AQR: variants seen among roughly 807,000 people sequenced by gnomAD.
The protein encoded by AQR is RNA helicase aquarius.
In AQR, 61 loss-of-function variants were observed where a neutral mutation model predicts 180.5. The observed-to-expected ratio is 0.34, with a 90% CI of 0.28 to 0.42. The LOEUF is 0.42. AQR is among the 10% of genes least tolerant of loss of function. The pLI is 1.00. For synonymous variants in AQR, 551 were observed against 588.8 expected, an observed-to-expected ratio of 0.94 and a Z score of 0.93; for missense variants, 1,281 against 1,798.3, an observed-to-expected ratio of 0.71 and a Z score of 5.20.
intron 14 of AQR, among the ~76,000 whole-genome samples, chr15:34,918,788 G>C (rs1416154850): frequency 6.6e-6 from 1 of 152,218 alleles, no homozygotes; most frequent in Non-Finnish European, 1.5e-5. Context: ...GAAAAAATAG[G>C]AGCTCTAGGT....
chr15:34,946,433 G>GGC (rs1269651806), intron 5 of AQR, among the ~76,000 whole-genome samples: 2 of 142,702 alleles, frequency 1.4e-5, no homozygotes, highest in Non-Finnish European at 3.1e-5. Context: ...AGGGAGGTGG[G>GGC]GGGGGTCAGC....
rs1266443945 is a variant in AQR, at chr15:34,874,364, T to C, written c.3425+313A>G. ...TTGGTGTGTTCTCCTCTTGTTCACT[T>C]TATTTTTAGATTTTAAAATTATATT... is the stretch of plus-strand genomic sequence containing the variant. On this transcript the variant is annotated intron_variant, in intron 29 of 34. Coordinates refer to ENST00000156471, the MANE Select transcript of AQR (RefSeq NM_014691.3). 6 of 340,960 alleles carry C rather than the reference T, an allele frequency of 1.8e-5. No homozygotes were observed. The East Asian group carries it at 3.6e-4, about 21-fold the overall frequency. The allele number at this position is 340,960 out of a possible 1,614,324, so 21.1% of individuals were successfully genotyped here. A position where few individuals can be genotyped will look rare whatever the true frequency, so the allele number is the denominator to read the frequency against.
In AQR at chr15:34,851,941, A is replaced by G. The variant is rs1370054168; in HGVS notation, c.*4851T>C. 2 of 152,168 alleles carry G rather than the reference A, an allele frequency of 1.3e-5. No individual in the cohort carries two copies. Among genetic ancestry groups the G allele is most frequent in the Non-Finnish European group, 2.9e-5 (2 of 68,028 alleles). 9.4% of individuals were successfully genotyped at this position (152,168 alleles called of 1,614,324 possible). A position where few individuals can be genotyped will look rare whatever the true frequency, so the allele number is the denominator to read the frequency against. On this transcript the variant is annotated 3_prime_UTR_variant, in exon 35 of 35. Coordinates refer to ENST00000156471, the MANE Select transcript of AQR (RefSeq NM_014691.3). The stretch of plus-strand genomic sequence containing the variant: ...GTCATGGTACATTGACCAAACTTTT[A>G]TTCATTTGCATTTTCAGGATGTTGC...
intron 9 of AQR, among the ~76,000 whole-genome samples, chr15:34,937,260 C>T (rs1168033579): frequency 1.1e-5 from 1 of 92,556 alleles, no homozygotes; most frequent in African/African-American, 2.6e-5. Flanking sequence ...CTCCTGACCT[C>T]GTGATCCACC....
At chr15:34,905,688 G>T (rs1465941021) in intron 18 of AQR, among the ~76,000 whole-genome samples, 1 of 151,746 alleles carries the variant, frequency 6.6e-6, no homozygotes, top group South Asian at 2.1e-4. Context: ...TCAAATTTAA[G>T]AAGAAAAAAT....
chr15:34,892,530 G>T (rs1171192606), intron 23 of AQR, among the ~76,000 whole-genome samples: 3 of 152,162 alleles, frequency 2.0e-5, no homozygotes, highest in African/African-American at 7.2e-5. Flanking sequence ...AGAAATAAAA[G>T]ATTGCTTTTA....
rs751703686 is a variant in AQR at position 34,918,351 on chromosome 15, G to A, written c.1249C>T (p.Gln417Ter). The A allele has an allele frequency of 6.2e-7, 1 of 1,613,718 alleles. No homozygotes were observed. The highest frequency in any genetic ancestry group is 8.5e-7 in the Non-Finnish European group (1 of 1,179,824). The change falls in exon 15 of 35, where the codon CAG becomes TAG. Residue 417 changes from glutamine (Q) to a stop codon, truncating the protein, a stop_gained. Coordinates refer to ENST00000156471, the MANE Select transcript of AQR (RefSeq NM_014691.3). LOFTEE classifies it high-confidence loss of function. ...LVSRHERRIS[Q>*]IQQLNQMPLY... ...GGCATCTGGTTCAACTGCTGAATCT[G>A]AGAAATTCGACGTTCATGACGAGAT...
At chr15:34,887,110 G>T (rs1320001779) in intron 24 of AQR, among the ~76,000 whole-genome samples, 1 of 150,896 alleles carries the variant, frequency 6.6e-6, no homozygotes, top group Non-Finnish European at 1.5e-5. Context: ...GGGCGACAAA[G>T]CAAGACTCCG....
chr15:34,964,466 C>A, intron 1 of AQR, 176 bp from the exon 2 acceptor site: 3 of 693,768 alleles, frequency 4.3e-6, no homozygotes, highest in Non-Finnish European at 5.4e-6. Context: ...TGACCCCAAA[C>A]CACTAAATGC....
chr15:34,857,760 AAAAAG>A (rs1892609346), intron 34 of AQR, among the ~76,000 whole-genome samples: 1 of 151,690 alleles, frequency 6.6e-6, no homozygotes, highest in African/African-American at 2.4e-5. Flanking sequence ...CAAGAAAAAG[AAAAAG>A]AAAAGAAAAA....
intron 17 of AQR, among the ~76,000 whole-genome samples, chr15:34,907,314 C>T (rs1893433087): frequency 6.6e-6 from 1 of 152,192 alleles, no homozygotes; most frequent in Non-Finnish European, 1.5e-5. Flanking sequence ...GTGCCAGAGT[C>T]CACAGCTTCT....
chr15:34,872,582 G>T (rs2140462269), intron 30 of AQR, among the ~76,000 whole-genome samples: 1 of 152,128 alleles, frequency 6.6e-6, no homozygotes, highest in South Asian at 2.1e-4. Context: ...TTTCTAAGGT[G>T]GCTATTAGGA....
intron 32 of AQR, among the ~76,000 whole-genome samples, chr15:34,865,860 C>T (rs1377594022): frequency 2.0e-5 from 3 of 152,018 alleles, no homozygotes; most frequent in Non-Finnish European, 4.4e-5. Context: ...GGCAAATCTA[C>T]AGAGATAAAA....
chr15:34,867,502 A>G, intron 32 of AQR, 22 bp downstream of exon 32: 1 of 1,587,130 alleles, frequency 6.3e-7, no homozygotes, highest in Non-Finnish European at 8.6e-7. Context: ...AATAAATATT[A>G]TGAAAGTTTT....
chr15:34,966,220 A>T (rs1210343380), intron 1 of AQR, among the ~76,000 whole-genome samples: 1 of 152,232 alleles, frequency 6.6e-6, no homozygotes, highest in Non-Finnish European at 1.5e-5. Flanking sequence ...CAGATCTCCA[A>T]TCTCCTTAAA....
intron 30 of AQR, 41 bp from the exon 31 acceptor site, chr15:34,870,963 T>C: frequency 6.4e-7 from 1 of 1,573,780 alleles, no homozygotes. Flanking sequence ...TCATTTGCTT[T>C]TGTTTCAATT....
chr15:34,963,825 G>A (rs1187192076), intron 2 of AQR, among the ~76,000 whole-genome samples: 2 of 148,438 alleles, frequency 1.3e-5, no homozygotes, highest in South Asian at 2.2e-4. Flanking sequence ...CACCATGCCC[G>A]GCTAATTTTT....
chr15:34,853,993 C>G lies in AQR; in HGVS notation c.*2799G>C, dbSNP rs1892551103. On this transcript the variant is annotated 3_prime_UTR_variant, in exon 35 of 35. Coordinates refer to ENST00000156471, the MANE Select transcript of AQR (RefSeq NM_014691.3). ...ATTTGTTTACAGGAGCACAAATGGCCTATTTATGCCTTTTCTCTCAGCATC... is the reference window on the plus strand; with the variant it reads ...ATTTGTTTACAGGAGCACAAATGGCGTATTTATGCCTTTTCTCTCAGCATC... The G allele has an allele frequency of 6.6e-6, 1 of 152,042 alleles. No individual in the cohort carries two copies. The highest frequency in any genetic ancestry group is 2.4e-5 in the African/African-American group (1 of 41,376). The allele number at this position is 152,042 out of a possible 1,614,324, so 9.4% of individuals were successfully genotyped here.
chr15:34,961,667 A>G lies in AQR; in HGVS notation c.133-853T>C, dbSNP rs1204318049. Reference sequence around the variant, plus strand: ...GACTCTGGAACTGTACATCTCAAAAAAAAAAAAAAAAGAAAAAAAGAACTC... The same window carrying G: ...GACTCTGGAACTGTACATCTCAAAAGAAAAAAAAAAAGAAAAAAAGAACTC... On this transcript the variant is annotated intron_variant, in intron 2 of 34. Coordinates refer to ENST00000156471, the MANE Select transcript of AQR (RefSeq NM_014691.3). Among the ~76,000 whole-genome samples the G allele has an allele frequency of 1.2e-4, 17 of 147,028 alleles. 1 individual carries two copies.
Sources: allele counts gnomAD v4.1 joint callset (sites outside exome capture counted in the v4.1 genomes callset), GRCh38; gene constraint gnomAD v4.1.1; transcripts MANE v1.5; gene names NCBI Gene and HGNC (gene_info 2026-07-23, HGNC 2026-07-21).